PCDH7: variants seen among roughly 807,000 people sequenced by gnomAD.
PCDH7 encodes protocadherin 7.
Under a neutral mutation model 58.9 loss-of-function variants are expected in PCDH7, and 17 were observed. The observed-to-expected ratio is 0.29, with a 90% CI of 0.20 to 0.43. The LOEUF is 0.43. Among genes scored for constraint, PCDH7 ranks in the 20% least tolerant of loss-of-function variants. The pLI is 1.00. For synonymous variants in PCDH7, 664 were observed against 616.4 expected, an observed-to-expected ratio of 1.08 and a Z score of -1.14; for missense variants, 1,274 against 1,441.0, an observed-to-expected ratio of 0.88 and a Z score of 1.88.
At chr4:30,971,998 G>T (rs1423727293) in intron 3 of PCDH7, among the ~76,000 whole-genome samples, 1 of 152,030 alleles carries the variant, frequency 6.6e-6, no homozygotes, top group Non-Finnish European at 1.5e-5. Context: ...AAGACGAACT[G>T]CAAAGGTCAT....
At chr4:30,733,772 C>T (rs1437083089), downstream of PCDH7, among the ~76,000 whole-genome samples, 2 of 151,844 alleles carry the variant, frequency 1.3e-5, no homozygotes, top group African/African-American at 4.8e-5. Context: ...AACCTTATAA[C>T]GTCTGTGAAA....
chr4:30,730,780 T>C (rs758509905), exon 2 of PCDH7: 1 of 1,608,308 alleles, frequency 6.2e-7, no homozygotes, highest in Non-Finnish European at 8.5e-7. Flanking sequence ...CATTACTGTG[T>C]TTGGCTGAAT....
At chr4:31,005,198 G>T (rs1752673392) in intron 3 of PCDH7, among the ~76,000 whole-genome samples, 1 of 152,164 alleles carries the variant, frequency 6.6e-6, no homozygotes, top group African/African-American at 2.4e-5. Flanking sequence ...TTTATCTGTT[G>T]TTGAGGTTAT....
chr4:31,108,144 A>G (rs1715814971), intron 3 of PCDH7, among the ~76,000 whole-genome samples: 1 of 152,058 alleles, frequency 6.6e-6, no homozygotes, highest in Non-Finnish European at 1.5e-5. Flanking sequence ...TTCCAAGGCC[A>G]AAATAGACCA....
rs1182161257 is a variant in PCDH7 at position 30,972,997 on chromosome 4, C to T, written c.*7+22782C>T. The stretch of plus-strand genomic sequence containing the variant: ...ATAAATATTCGATGTTACTAAGAGA[C>T]GTGAAGAAATGATAAATACCTTTTC... On this transcript the variant is annotated intron_variant, in intron 3 of 3. Transcript: ENST00000509759. Among the ~76,000 whole-genome samples, 8 of 152,080 alleles carry T rather than the reference C, an allele frequency of 5.3e-5. No homozygotes were observed. The East Asian group carries it at 7.7e-4, about 15-fold the overall frequency.
At chr4:30,776,565 A>T (rs564459070) in intron 1 of PCDH7, among the ~76,000 whole-genome samples, 1 of 152,212 alleles carries the variant, frequency 6.6e-6, no homozygotes, top group South Asian at 2.1e-4. Context: ...TAAATCAAGT[A>T]TATCTGTTCA....
At chr4:30,991,830 A>G (rs532321764) in intron 3 of PCDH7, among the ~76,000 whole-genome samples, 2 of 152,126 alleles carry the variant, frequency 1.3e-5, no homozygotes, top group Non-Finnish European at 2.9e-5. Flanking sequence ...TATGTATTAA[A>G]TAGATATAAG....
intron 1 of PCDH7, among the ~76,000 whole-genome samples, chr4:30,742,982 A>G (rs962777736): frequency 6.6e-6 from 1 of 152,136 alleles, no homozygotes; most frequent in African/African-American, 2.4e-5. Flanking sequence ...ACTTCTCTTT[A>G]TCTCTGTTCT....
intron 1 of PCDH7, 198 bp downstream of exon 1, chr4:30,724,794 A>C: frequency 7.1e-7 from 1 of 1,404,264 alleles, no homozygotes; most frequent in Non-Finnish European, 9.3e-7. Flanking sequence ...TGCAAATTAG[A>C]ATTAAGGTTC....
At chr4:30,912,359 A>T (rs964167636) in intron 1 of PCDH7, among the ~76,000 whole-genome samples, 60 of 152,310 alleles carry the variant, frequency 3.9e-4, no homozygotes, top group African/African-American at 1.3e-3. Context: ...TTTGCAAGGA[A>T]AGATCTCACA....
At chr4:30,764,009 T>C (rs1720376374) in intron 1 of PCDH7, among the ~76,000 whole-genome samples, 1 of 152,188 alleles carries the variant, frequency 6.6e-6, no homozygotes, top group Non-Finnish European at 1.5e-5. Context: ...GCTTGTTTCT[T>C]TTCATTTAAT....
At chr4:30,736,225 T>C (rs114842813), downstream of PCDH7, among the ~76,000 whole-genome samples, 1,942 of 152,096 alleles carry the variant, frequency 0.013, 33 homozygotes, top group African/African-American at 0.045. Flanking sequence ...CTTGAAAAAA[T>C]ACAAATAACA....
intron 2 of PCDH7, among the ~76,000 whole-genome samples, chr4:30,927,830 G>A (rs935782576): frequency 6.9e-6 from 1 of 144,220 alleles, no homozygotes; most frequent in Non-Finnish European, 1.5e-5. Context: ...CCCCCTCTGC[G>A]AGAAACACCC....
intron 2 of PCDH7, among the ~76,000 whole-genome samples, chr4:30,941,591 A>G (rs1190612966): frequency 6.6e-6 from 1 of 151,946 alleles, no homozygotes; most frequent in Non-Finnish European, 1.5e-5. Flanking sequence ...ATTTCAAAGA[A>G]GAACCTATAA....
rs1031565645 is a variant in PCDH7, at chr4:30,901,632, A to G, written c.71-18521A>G. ...CTACAACCCACATGATGGAAGGTGAACTACATACCTTTTCCCTTACAATTG... is the reference window on the plus strand; with the variant it reads ...CTACAACCCACATGATGGAAGGTGAGCTACATACCTTTTCCCTTACAATTG... On this transcript the variant is annotated intron_variant, in intron 1 of 3. Transcript: ENST00000509759. Among the ~76,000 whole-genome samples the G allele has an allele frequency of 2.6e-5, 4 of 152,158 alleles. No individual in the cohort carries two copies. In the South Asian group the frequency reaches 8.3e-4, roughly 31 times the overall value.
intron 3 of PCDH7, among the ~76,000 whole-genome samples, chr4:30,970,384 T>G (rs1230101178): frequency 6.6e-6 from 1 of 151,900 alleles, no homozygotes; most frequent in Non-Finnish European, 1.5e-5. Flanking sequence ...AAGCTCCCCC[T>G]GCCGTGTTCA....
At chr4:31,017,450 G>C (rs998217533) in intron 3 of PCDH7, among the ~76,000 whole-genome samples, 1 of 152,112 alleles carries the variant, frequency 6.6e-6, no homozygotes, top group African/African-American at 2.4e-5. Context: ...ACAGTTCCCT[G>C]CACATAATGC....
At chr4:30,854,030 G>A (rs959998669) in intron 1 of PCDH7, among the ~76,000 whole-genome samples, 1 of 151,868 alleles carries the variant, frequency 6.6e-6, no homozygotes, top group Non-Finnish European at 1.5e-5. Flanking sequence ...GAAACATTCT[G>A]TTCCATGGTA....
At position 30,722,292 on chromosome 4, in the gene PCDH7, G is replaced by C. The variant is rs1389287333; in HGVS notation, c.870G>C (p.Ser290=). The C allele has an allele frequency of 6.2e-7, 1 of 1,605,240 alleles. No individual in the cohort carries two copies. Among genetic ancestry groups the C allele is most frequent in the Admixed American group, 1.7e-5 (1 of 58,808 alleles). ...ACGGCGGCGACCCGCCTCGCTCCTC[G>C]CAGGCCATCCTACGGGTCCTCATCA... Residue 290 remains serine (S), a synonymous_variant, in exon 1 of 2, where the codon TCG becomes TCC. Coordinates refer to ENST00000361762, the Ensembl canonical transcript of PCDH7. The surrounding 1 kb of genome is among the most constrained non-coding windows in gnomAD (Gnocchi z 7.6).
Sources: gnomAD v4.1 joint callset for allele counts (sites outside exome capture counted in the v4.1 genomes callset) on GRCh38, gnomAD v4.1.1 for gene constraint, Gnocchi (gnomAD v3.1) non-coding constraint, MANE v1.5 for transcripts, NCBI Gene and HGNC (gene_info 2026-07-23, HGNC 2026-07-21) for gene names.